Variants in RIN3 observed in about 807,000 individuals in gnomAD.
The protein encoded by RIN3 is Ras and Rab interactor 3, also known as RAB5 interacting protein 3.
RIN3 carries 54 observed loss-of-function variants against 76.3 expected under a neutral mutation model. That is an observed-to-expected ratio of 0.71 (90% confidence interval 0.57 to 0.89). RIN3 has a LOEUF of 0.89. RIN3 is among the 40% of genes least tolerant of loss of function. RIN3 has a pLI of 0.00. For synonymous variants in RIN3, 576 were observed against 564.0 expected, an observed-to-expected ratio of 1.02 and a Z score of -0.30; for missense variants, 1,256 against 1,322.1, an observed-to-expected ratio of 0.95 and a Z score of 0.78.
chr14:92,535,533 G>GT (rs1896976678), intron 1 of RIN3, among the ~76,000 whole-genome samples: 1 of 151,846 alleles, frequency 6.6e-6, no homozygotes, highest in African/African-American at 2.4e-5. Context: ...GTGTGGGTGT[G>GT]TGCGTGCACG....
chr14:92,638,379 G>A (rs1381557950), intron 4 of RIN3, among the ~76,000 whole-genome samples: 1 of 152,194 alleles, frequency 6.6e-6, no homozygotes, highest in East Asian at 1.9e-4. Flanking sequence ...GATGTTGGGG[G>A]GGCAAGCCGG....
intron 2 of RIN3, among the ~76,000 whole-genome samples, chr14:92,569,546 G>A (rs1375624934): frequency 2.0e-5 from 3 of 151,734 alleles, no homozygotes; most frequent in South Asian, 2.1e-4. Context: ...TTGTGAGCCT[G>A]TCCCCAGCTG....
At chr14:92,609,063 C>A (rs1047254387) in intron 3 of RIN3, among the ~76,000 whole-genome samples, 3 of 152,122 alleles carry the variant, frequency 2.0e-5, no homozygotes, top group Non-Finnish European at 2.9e-5. Context: ...CCCAACTCCC[C>A]AAAGTCCGTT....
intron 2 of RIN3, among the ~76,000 whole-genome samples, chr14:92,570,321 TACAC>T (rs10588548): frequency 0.96 from 144,433 of 150,886 alleles, 69,238 homozygotes; most frequent in Non-Finnish European, 0.99. Context: ...TCGTGGCAGA[TACAC>T]ACACACACAC....
intron 7 of RIN3, among the ~76,000 whole-genome samples, chr14:92,672,506 G>A (rs891203407): frequency 2.0e-5 from 3 of 152,190 alleles, no homozygotes; most frequent in East Asian, 1.9e-4. Context: ...AACAGACTGC[G>A]CAGGCAAGGA....
Position 92,652,083 on chromosome 14 carries a change from C to T in RIN3, c.1034C>T (p.Pro345Leu), listed in dbSNP as rs1464937156. The stretch of plus-strand genomic sequence containing the variant: ...CCCATGATGACCTGCGAGAGACTCC[C>T]ATGCCCCACTGCAGGCCTGGGCCCC... ...QPPMMTCERL[P>L]CPTAGLGPLR... The change falls in exon 6 of 10, where the codon CCA becomes CTA. Residue 345 changes from proline (P) to leucine (L), a missense_variant. By Grantham distance (98) the Pro-to-Leu change is moderately conservative (BLOSUM62 -3). This residue lies in a region of RIN3 where 610 missense variants were observed against 626.4 expected (regional missense o/e 0.97). Coordinates refer to ENST00000216487, the MANE Select transcript of RIN3 (RefSeq NM_024832.5). The surrounding 1 kb of genome is among the most constrained non-coding windows in gnomAD (Gnocchi z 6.4). 1.2e-6 allele frequency: 2 copies of T among 1,604,964 alleles called. No homozygotes were observed. Among genetic ancestry groups the T allele is most frequent in the African/African-American group, 1.3e-5 (1 of 74,788 alleles).
chr14:92,630,980 C>T (rs1886555284), intron 4 of RIN3, among the ~76,000 whole-genome samples: 1 of 152,210 alleles, frequency 6.6e-6, no homozygotes, highest in South Asian at 2.1e-4. Context: ...TAAGATCCTG[C>T]CCTACAGACT....
At chr14:92,536,758 A>G (rs1202090642) in intron 1 of RIN3, among the ~76,000 whole-genome samples, 2 of 142,482 alleles carry the variant, frequency 1.4e-5, no homozygotes, top group Admixed American at 7.0e-5. Context: ...AAAAAAAAAA[A>G]AAAAGAAACT....
At chr14:92,637,595 T>C (rs112524922) in intron 4 of RIN3, among the ~76,000 whole-genome samples, 146 of 152,274 alleles carry the variant, frequency 9.6e-4, no homozygotes, top group African/African-American at 3.2e-3. Flanking sequence ...CACTTTTGTA[T>C]TGTATGACTT....
rs569942113 is a variant in RIN3 at position 92,582,241 on chromosome 14, C to T, written c.367+4764C>T. 7.2e-4 allele frequency among the ~76,000 whole-genome samples: 109 copies of T among 152,286 alleles called. 1 individual carries two copies. Among genetic ancestry groups the T allele is most frequent in the African/African-American group, 2.5e-3 (105 of 41,572 alleles). On this transcript the variant is annotated intron_variant, in intron 3 of 9. Coordinates refer to ENST00000216487, the MANE Select transcript of RIN3 (RefSeq NM_024832.5). ...GCCTACTTCTATGGGTTCTTTCTTC[C>T]TCCCAGGGCCGTGTGGCCGAATCTC...
At chr14:92,684,482 A>T (rs556813224) in intron 8 of RIN3, among the ~76,000 whole-genome samples, 3 of 152,270 alleles carry the variant, frequency 2.0e-5, no homozygotes, top group African/African-American at 7.2e-5. Flanking sequence ...AGTAAAAAAC[A>T]GGTTGGTTAT....
intron 3 of RIN3, among the ~76,000 whole-genome samples, chr14:92,613,953 G>A (rs1389011367): frequency 6.6e-6 from 1 of 152,210 alleles, no homozygotes; most frequent in South Asian, 2.1e-4. Flanking sequence ...TGGGGCAGGT[G>A]CCTGTGGGGC....
At chr14:92,580,164 C>A (rs1898391173) in intron 3 of RIN3, among the ~76,000 whole-genome samples, 1 of 152,178 alleles carries the variant, frequency 6.6e-6, no homozygotes, top group Non-Finnish European at 1.5e-5. Context: ...ATCACGAAGT[C>A]AAGAGATTGA....
intron 1 of RIN3, among the ~76,000 whole-genome samples, chr14:92,552,560 C>T (rs1897458396): frequency 6.6e-6 from 1 of 152,048 alleles, no homozygotes; most frequent in South Asian, 2.1e-4. Context: ...TCACCTCCTG[C>T]CACTCTCACC....
chr14:92,637,000 G>A lies in RIN3; in HGVS notation c.441-4238G>A, dbSNP rs141405165. ...GGCCAGCAAGTTTACTCTCCAGAGT[G>A]TAGACCAGCAGTCCCCAACCTTTTT... On this transcript the variant is annotated intron_variant, in intron 4 of 9. Coordinates refer to ENST00000216487, the MANE Select transcript of RIN3 (RefSeq NM_024832.5). Among the ~76,000 whole-genome samples, 573 of 152,256 alleles carry A rather than the reference G, an allele frequency of 3.8e-3. 3 individuals carry two copies. Among genetic ancestry groups the A allele is most frequent in the African/African-American group, 0.013 (545 of 41,542 alleles).
At chr14:92,642,567 G>A (rs1455169778) in intron 5 of RIN3, among the ~76,000 whole-genome samples, 1 of 152,100 alleles carries the variant, frequency 6.6e-6, no homozygotes, top group Non-Finnish European at 1.5e-5. Flanking sequence ...TGCTCCATGG[G>A]GCTGAGCACA....
rs1455613785 is a variant in RIN3, at chr14:92,659,440, T to C, written c.2306T>C (p.Ile769Thr). ...ATCCTGCTCAAGACCTGCAAACTCA[T>C]CTACGACTCCATGGCCCTCGGCAAC... ...ISILLKTCKL[I>T]YDSMALGNPG... The change falls in exon 7 of 10, where the codon ATC becomes ACC. Residue 769 changes from isoleucine to threonine, a missense_variant. Around this residue, in one of 3 missense-constraint regions of RIN3, gnomAD observed 428 missense variants for 521.2 expected, o/e 0.82. Coordinates refer to ENST00000216487, the MANE Select transcript of RIN3 (RefSeq NM_024832.5). 1 of 1,611,254 alleles carries C rather than the reference T, an allele frequency of 6.2e-7. No individual in the cohort carries two copies. The highest frequency in any genetic ancestry group is 8.5e-7 in the Non-Finnish European group (1 of 1,178,504).
intron 7 of RIN3, among the ~76,000 whole-genome samples, chr14:92,663,031 G>T (rs1272954744): frequency 6.6e-6 from 1 of 151,920 alleles, no homozygotes; most frequent in Non-Finnish European, 1.5e-5. Context: ...GGCTGGTCTC[G>T]AACTCCTGAG....
At chr14:92,590,243 G>A (rs1411360051) in intron 3 of RIN3, among the ~76,000 whole-genome samples, 1 of 152,210 alleles carries the variant, frequency 6.6e-6, no homozygotes, top group Non-Finnish European at 1.5e-5. Context: ...ATATGCCAGA[G>A]CAGTCTGTTC....
Sources: allele counts gnomAD v4.1 joint callset (sites outside exome capture counted in the v4.1 genomes callset), GRCh38; gene constraint gnomAD v4.1.1; regional missense constraint gnomAD v4.1.1; non-coding constraint Gnocchi (gnomAD v3.1); transcripts MANE v1.5; gene names NCBI Gene and HGNC (gene_info 2026-07-23, HGNC 2026-07-21).